ELMO1: variants seen among roughly 807,000 people sequenced by gnomAD.
ELMO1 encodes engulfment and cell motility protein 1.
ELMO1 carries 26 observed loss-of-function variants against 98.9 expected under a neutral mutation model. The ratio of observed to expected loss-of-function variants is 0.26; its 90% CI spans 0.19 to 0.36. The LOEUF (loss-of-function observed/expected upper bound fraction) is 0.36, where lower values mean the gene tolerates loss of function less well. ELMO1 is among the 10% of genes least tolerant of loss of function. The pLI, the probability that ELMO1 is intolerant of heterozygous loss-of-function variation, is 1.00. For synonymous variants in ELMO1, 346 were observed against 346.0 expected (o/e 1.00, Z 0.00); for missense variants, 627 against 935.2 (o/e 0.67, Z 4.30).
chr7:37,336,540 G>C (rs916185197), intron 2 of ELMO1, among the ~76,000 whole-genome samples: 1 of 152,166 alleles, frequency 6.6e-6, no homozygotes, highest in African/African-American at 2.4e-5. Flanking sequence ...TGAACACACA[G>C]ACCAGAGGGC....
chr7:36,986,552 A>G (rs988054846), intron 16 of ELMO1: 1 of 152,216 alleles, frequency 6.6e-6, no homozygotes, highest in African/African-American at 2.4e-5. Context: ...CCTGGGCTCA[A>G]TAATTACCGA....
At chr7:37,140,055 C>A (rs750189485) in intron 13 of ELMO1, among the ~76,000 whole-genome samples, 1 of 152,156 alleles carries the variant, frequency 6.6e-6, no homozygotes, top group East Asian at 1.9e-4. Flanking sequence ...TCAACTTACA[C>A]GAAAATCAAC....
chr7:37,351,386 G>A (rs565366159), intron 1 of ELMO1: 1 of 152,380 alleles, frequency 6.6e-6, no homozygotes, highest in Non-Finnish European at 1.5e-5. Context: ...GGACCAGGCA[G>A]GTAGATCACC....
At chr7:37,384,884 G>A (rs1802731435) in intron 1 of ELMO1, among the ~76,000 whole-genome samples, 1 of 152,148 alleles carries the variant, frequency 6.6e-6, no homozygotes, top group African/African-American at 2.4e-5. Context: ...AAAGACATGA[G>A]TAAAAATGCA....
At chr7:37,428,348 G>A (rs1804794840) in intron 1 of ELMO1, among the ~76,000 whole-genome samples, 2 of 152,134 alleles carry the variant, frequency 1.3e-5, no homozygotes, top group Non-Finnish European at 2.9e-5. Flanking sequence ...CAACTTTTAA[G>A]AGGAGCTTTC....
At chr7:36,953,824 G>C (rs1471734879) in intron 16 of ELMO1, among the ~76,000 whole-genome samples, 1 of 149,516 alleles carries the variant, frequency 6.7e-6, no homozygotes, top group Non-Finnish European at 1.5e-5. Context: ...TTCTGGTACA[G>C]TGTATGGGTA....
chr7:37,206,752 A>G (rs1792647157), intron 13 of ELMO1, among the ~76,000 whole-genome samples: 1 of 152,126 alleles, frequency 6.6e-6, no homozygotes, highest in Admixed American at 6.5e-5. Flanking sequence ...CTCCAGGATG[A>G]TCCTGAAATA....
intron 8 of ELMO1, among the ~76,000 whole-genome samples, chr7:37,230,506 C>G (rs1266978857): frequency 6.6e-6 from 1 of 152,192 alleles, no homozygotes; most frequent in African/African-American, 2.4e-5. Flanking sequence ...TGACCTCATT[C>G]AACCTCGGCA....
chr7:37,413,062 C>A (rs542261963), intron 1 of ELMO1, among the ~76,000 whole-genome samples: 1 of 152,242 alleles, frequency 6.6e-6, no homozygotes, highest in Admixed American at 6.5e-5. Context: ...TTGGGTCAAG[C>A]CACTAAGTTT....
At chr7:37,186,238 T>C (rs151110015) in intron 13 of ELMO1, among the ~76,000 whole-genome samples, 17 of 152,286 alleles carry the variant, frequency 1.1e-4, no homozygotes, top group South Asian at 2.1e-4. Context: ...CAAATAATGC[T>C]AGGAAAACTA....
intron 14 of ELMO1, among the ~76,000 whole-genome samples, chr7:37,099,509 T>TAAA (rs1784528170): frequency 1.3e-5 from 2 of 152,336 alleles, no homozygotes; most frequent in Admixed American, 1.3e-4. Context: ...TCTTCAGTTT[T>TAAA]AAGAGCAAAT....
At chr7:36,922,529 G>A (rs969101479) in intron 16 of ELMO1, among the ~76,000 whole-genome samples, 10 of 151,954 alleles carry the variant, frequency 6.6e-5, no homozygotes, top group African/African-American at 1.5e-4. Context: ...CTTGGATTGC[G>A]GGATCTTTTC....
chr7:36,991,726 T>A (rs1305167150), intron 16 of ELMO1, among the ~76,000 whole-genome samples: 1 of 152,256 alleles, frequency 6.6e-6, no homozygotes, highest in Non-Finnish European at 1.5e-5. Flanking sequence ...CTTTATCTTT[T>A]GATCCCAGGA....
At chr7:37,414,115 T>C (rs1804111220) in intron 1 of ELMO1, among the ~76,000 whole-genome samples, 1 of 131,256 alleles carries the variant, frequency 7.6e-6, no homozygotes, top group Non-Finnish European at 1.8e-5. Flanking sequence ...AAAATAATAT[T>C]GAGTGAATGA....
intron 14 of ELMO1, among the ~76,000 whole-genome samples, chr7:37,100,490 G>A (rs1215171449): frequency 6.6e-6 from 1 of 152,092 alleles, no homozygotes; most frequent in African/African-American, 2.4e-5. Context: ...CCCTTCTCTG[G>A]CTCTCTTGCC....
At chr7:37,390,935 G>T (rs1803042051) in intron 1 of ELMO1, among the ~76,000 whole-genome samples, 1 of 152,156 alleles carries the variant, frequency 6.6e-6, no homozygotes, top group Non-Finnish European at 1.5e-5. Flanking sequence ...ATCCCCAACT[G>T]AATATGTGAT....
At chr7:37,180,098 A>G (rs1260281947) in intron 13 of ELMO1, among the ~76,000 whole-genome samples, 3 of 152,204 alleles carry the variant, frequency 2.0e-5, no homozygotes, top group Non-Finnish European at 4.4e-5. Flanking sequence ...GTGCTTCTGC[A>G]TCACCATCTT....
chr7:37,402,080 A>G lies in ELMO1; in HGVS notation c.-74+46595T>C, dbSNP rs139104233. On this transcript the variant is annotated intron_variant, in intron 1 of 21. Coordinates refer to ENST00000310758, the MANE Select transcript of ELMO1 (RefSeq NM_014800.11). ...CTATGAAGACTCCTGTGGCACGTAA[A>G]ACTTACATCAAATACATGTGTATCC... Among the ~76,000 whole-genome samples, 71 of 152,300 alleles carry G rather than the reference A, an allele frequency of 4.7e-4. 1 individual carries two copies. The highest frequency in any genetic ancestry group is 1.5e-3 in the African/African-American group (63 of 41,558).
chr7:37,281,542 A>G lies in ELMO1; in HGVS notation c.193-9660T>C, dbSNP rs191553061. 1.3e-4 allele frequency among the ~76,000 whole-genome samples: 20 copies of G among 152,294 alleles called. 1 individual carries two copies. The East Asian group carries it at 3.9e-3, about 29-fold the overall frequency. On this transcript the variant is annotated intron_variant, in intron 4 of 21. Transcript: ENST00000310758. ...GAGTCTTTAATCTTTCATTTATCCT[A>G]TGATCTTCAGCCCATCTGCTTTAGA...
Sources: gnomAD v4.1 joint callset for allele counts (sites outside exome capture counted in the v4.1 genomes callset) on GRCh38, gnomAD v4.1.1 for gene constraint, MANE v1.5 for transcripts, NCBI Gene and HGNC (gene_info 2026-07-23, HGNC 2026-07-21) for gene names.